Variants in SHROOM4 observed in about 807,000 individuals in gnomAD.
The protein encoded by SHROOM4 is shroom family member 4.
A neutral mutation model predicts 80.3 loss-of-function variants in SHROOM4; 17 were observed. That is an observed-to-expected ratio of 0.21 (90% CI 0.14 to 0.32). SHROOM4 has a LOEUF of 0.32. Ranked by LOEUF, SHROOM4 falls within the 10% of genes least tolerant of loss-of-function variation. SHROOM4 has a pLI of 1.00. For synonymous variants in SHROOM4, 400 were observed against 437.5 expected (o/e 0.91, Z 1.07); for missense variants, 993 against 1,140.3 (o/e 0.87, Z 1.86).
chrX:50,623,389 T>A (rs782389102), intron 5 of SHROOM4, among the ~76,000 whole-genome samples: 1 of 111,112 alleles, frequency 9.0e-6, no homozygotes, highest in Non-Finnish European at 1.9e-5. Flanking sequence ...GGTTTCACCA[T>A]GTTGGCCAAG....
At chrX:50,734,199 C>A (rs1157712196) in intron 1 of SHROOM4, among the ~76,000 whole-genome samples, 1 of 111,792 alleles carries the variant, frequency 8.9e-6, no homozygotes, top group Non-Finnish European at 1.9e-5. Flanking sequence ...ACTTCCCAAA[C>A]TGAGCTATAC....
At chrX:50,774,854 G>A (rs958275042) in intron 1 of SHROOM4, among the ~76,000 whole-genome samples, 1 of 111,464 alleles carries the variant, frequency 9.0e-6, no homozygotes, top group South Asian at 3.8e-4. Context: ...TTATCAGGAG[G>A]CAAACTATTT....
chrX:50,782,488 C>G (rs1196713918), intron 1 of SHROOM4, among the ~76,000 whole-genome samples: 3 of 111,480 alleles, frequency 2.7e-5, no homozygotes, highest in Non-Finnish European at 3.8e-5. Flanking sequence ...CACATTATCT[C>G]ATTTAATCCT....
chrX:50,578,330 G>A, the SHROOM4 span, among the ~76,000 whole-genome samples: 1 of 111,705 alleles, frequency 9.0e-6, no homozygotes, highest in Non-Finnish European at 1.9e-5. Context: ...TTTTTGAGAC[G>A]GAGTCTCGCT....
At chrX:50,682,530 G>A (rs1932965181) in intron 2 of SHROOM4, among the ~76,000 whole-genome samples, 1 of 111,664 alleles carries the variant, frequency 9.0e-6, no homozygotes, top group African/African-American at 3.3e-5. Flanking sequence ...TTTACAGGGG[G>A]GAAATAGACA....
intron 1 of SHROOM4, among the ~76,000 whole-genome samples, chrX:50,752,834 CTTTT>C (rs1557268143): frequency 3.6e-5 from 4 of 111,693 alleles, no homozygotes; most frequent in Non-Finnish European, 7.5e-5. Context: ...TGGGGAGAAT[CTTTT>C]TACTTGATTA....
chrX:50,576,132 G>A, the SHROOM4 span, among the ~76,000 whole-genome samples: 1 of 111,651 alleles, frequency 9.0e-6, no homozygotes, highest in Non-Finnish European at 1.9e-5. Context: ...GCCATTGGGT[G>A]TCTCTAGGTG....
intron 1 of SHROOM4, among the ~76,000 whole-genome samples, chrX:50,722,230 G>A (rs782553194): frequency 9.1e-6 from 1 of 109,774 alleles, no homozygotes; most frequent in Non-Finnish European, 1.9e-5. Flanking sequence ...TGTTTCTAGA[G>A]ATGTCCAGAG....
chrX:50,697,315 A>G (rs1406319413), intron 1 of SHROOM4, among the ~76,000 whole-genome samples: 1 of 111,301 alleles, frequency 9.0e-6, no homozygotes, highest in Admixed American at 9.5e-5. Flanking sequence ...AAGGGCTGGT[A>G]TTCACTGGAG....
intron 1 of SHROOM4, among the ~76,000 whole-genome samples, chrX:50,810,554 G>A (rs1384348592): frequency 1.8e-5 from 2 of 111,314 alleles, no homozygotes; most frequent in Non-Finnish European, 3.8e-5. Context: ...ATCATCACAA[G>A]TGATTTGGGG....
intron 2 of SHROOM4, among the ~76,000 whole-genome samples, chrX:50,651,096 A>C (rs1021620007): frequency 9.0e-6 from 1 of 111,182 alleles, no homozygotes; most frequent in Non-Finnish European, 1.9e-5. Flanking sequence ...ACAAACAAAC[A>C]AACCAACAAA....
intron 2 of SHROOM4, among the ~76,000 whole-genome samples, chrX:50,690,740 G>A (rs1933197818): frequency 8.9e-6 from 1 of 112,598 alleles, no homozygotes; most frequent in African/African-American, 3.2e-5. Context: ...GCCAAGGCGG[G>A]CAGATCACTT....
chrX:50,598,037 C>T (rs1374483362), intron 8 of SHROOM4, among the ~76,000 whole-genome samples: 3 of 110,883 alleles, frequency 2.7e-5, no homozygotes, highest in African/African-American at 9.9e-5. Flanking sequence ...TGGGGATTCA[C>T]TAAGTTGCCC....
At chrX:50,769,968 A>C (rs1249042236) in intron 1 of SHROOM4, among the ~76,000 whole-genome samples, 3 of 107,253 alleles carry the variant, frequency 2.8e-5, no homozygotes, top group African/African-American at 1.0e-4. Context: ...TTCATTCCAC[A>C]TGTTCTCGGG....
chrX:50,636,691 G>T (rs1408238024), intron 3 of SHROOM4, among the ~76,000 whole-genome samples: 1 of 110,553 alleles, frequency 9.0e-6, no homozygotes, highest in Non-Finnish European at 1.9e-5. Flanking sequence ...AGTGTCTATT[G>T]TTCCCATCTT....
At chrX:50,788,479 C>T (rs911439289) in intron 1 of SHROOM4, among the ~76,000 whole-genome samples, 14 of 110,252 alleles carry the variant, frequency 1.3e-4, no homozygotes, top group Non-Finnish European at 1.9e-4. Flanking sequence ...TGGTGGCGGG[C>T]GCCTGTAGCC....
At chrX:50,767,507 A>G (rs1935302310) in intron 1 of SHROOM4, among the ~76,000 whole-genome samples, 1 of 111,161 alleles carries the variant, frequency 9.0e-6, no homozygotes, top group African/African-American at 3.3e-5. Flanking sequence ...AGGAAATATC[A>G]GGCTCCCATT....
At chrX:50,813,160 TGGC>T (rs781798597) in intron 1 of SHROOM4, among the ~76,000 whole-genome samples, 28 of 102,019 alleles carry the variant, frequency 2.7e-4, no homozygotes, top group Middle Eastern at 5.0e-3. Flanking sequence ...GCGGCGGCAG[TGGC>T]GGCGGCGGCG....
chrX:50,705,369 G>T, intron 1 of SHROOM4, among the ~76,000 whole-genome samples: 1 of 111,680 alleles, frequency 9.0e-6, no homozygotes, highest in Non-Finnish European at 1.9e-5. Flanking sequence ...AAGTTGAGAA[G>T]AAAATGCAGG....
Sources: gnomAD v4.1 joint callset for allele counts (sites outside exome capture counted in the v4.1 genomes callset) on GRCh38, gnomAD v4.1.1 for gene constraint, MANE v1.5 for transcripts, NCBI Gene and HGNC (gene_info 2026-07-23, HGNC 2026-07-21) for gene names.